C11orf91: variants seen among roughly 807,000 people sequenced by gnomAD.
C11orf91 encodes the protein uncharacterized protein C11orf91.
In C11orf91, 10 loss-of-function variants were observed where a neutral mutation model predicts 14.3. The ratio of observed to expected loss-of-function variants is 0.70; its 90% confidence interval spans 0.43 to 1.18. C11orf91 has a LOEUF of 1.18. Ranked by LOEUF, C11orf91 falls within the 50% of genes most tolerant of loss-of-function variation. The pLI, the probability that C11orf91 is intolerant of heterozygous loss-of-function variation, is 0.00. For missense variants in C11orf91, 236 were observed against 269.0 expected, an observed-to-expected ratio of 0.88 and a Z score of 0.86; for synonymous variants, 141 against 130.6, an observed-to-expected ratio of 1.08 and a Z score of -0.54.
At chr11:33,704,377 TAC>T (rs1422190675), upstream of C11orf91, 2 of 152,164 alleles carry the variant, frequency 1.3e-5, no homozygotes, top group East Asian at 1.9e-4. Flanking sequence ...ACAGTTATTA[TAC>T]AGTTACACAT....
At chr11:33,704,201 G>C (rs537424942), upstream of C11orf91, 8 of 151,430 alleles carry the variant, frequency 5.3e-5, no homozygotes, top group East Asian at 1.5e-3. Context: ...AGTTGTGCCT[G>C]AATCTGGGAC....
Position 33,700,405 on chromosome 11 carries a change from C to T in C11orf91, c.336G>A (p.Pro112=), listed in dbSNP as rs1023892508. Residue 112 remains proline (P), a synonymous_variant, in exon 1 of 2, where the codon CCG becomes CCA. Transcript: ENST00000379011. ...PYEPLRFFYS[P]PPGPEVVASP... is the part of the protein sequence containing the mutation. ...AGGCAACCACCTCAGGCCCCGGCGG[C>T]GGTGAGTAGAAGAAGCGCAGAGGCT... 5 of 1,487,710 alleles carry T rather than the reference C, an allele frequency of 3.4e-6. No individual in the cohort carries two copies. Among genetic ancestry groups the T allele is most frequent in the African/African-American group, 2.8e-5 (2 of 70,906 alleles). 92.2% of individuals were successfully genotyped at this position (1,487,710 alleles called of 1,614,324 possible).
the C11orf91 span, chr11:33,706,023 G>A: frequency 1.3e-5 from 2 of 152,042 alleles, no homozygotes; most frequent in Non-Finnish European, 2.9e-5. Flanking sequence ...AACATCCCTA[G>A]GGAAACCGAT....
In C11orf91 at chr11:33,700,372, C is replaced by G. The variant is rs758621212; in HGVS notation, c.369G>C (p.Leu123=). 7.2e-6 allele frequency: 11 copies of G among 1,534,610 alleles called. No individual in the cohort carries two copies. The highest frequency in any genetic ancestry group is 2.4e-5 in the South Asian group (2 of 83,974). The stretch of plus-strand genomic sequence containing the variant: ...GCCTGGGGGTCGAGGGGCAGGGGAC[C>G]AGGGGCGAGGCAACCACCTCAGGCC... ...PPGPEVVASP[L]VPCPSTPRLA... The change falls in exon 1 of 2, where the codon CTG becomes CTC. Residue 123 remains leucine (L), a synonymous_variant. Transcript: ENST00000379011.
rs1305765583 is a variant in C11orf91 at position 33,700,653 on chromosome 11, C to G, written c.88G>C (p.Gly30Arg). ...PLYFPSLYDR[G>R]ISSSPLSDFN... ...TCGCTGAGCGGGGACGAGGAGATGCCGCGGTCGTACAGGGACGGGAAATAG... is the reference window on the plus strand; with the variant it reads ...TCGCTGAGCGGGGACGAGGAGATGCGGCGGTCGTACAGGGACGGGAAATAG... The change falls in exon 1 of 2, where the codon GGC (glycine) becomes CGC (arginine). Residue 30 changes from glycine (G) to arginine (R), a missense_variant. Gly to Arg is a moderately radical substitution (Grantham distance 125, BLOSUM62 -2). Transcript: ENST00000379011. The G allele has an allele frequency of 6.8e-7, 1 of 1,472,314 alleles. No homozygotes were observed. Among genetic ancestry groups the G allele is most frequent in the Non-Finnish European group, 9.0e-7 (1 of 1,115,818 alleles). 91.2% of individuals were successfully genotyped at this position (1,472,314 alleles called of 1,614,324 possible). A position where few individuals can be genotyped will look rare whatever the true frequency, so the allele number is the denominator to read the frequency against.
At chr11:33,703,204 G>T (rs1456137783), upstream of C11orf91, 2 of 152,132 alleles carry the variant, frequency 1.3e-5, no homozygotes, top group East Asian at 3.9e-4. Context: ...TAAATAAGAA[G>T]TTGATGACAA....
chr11:33,702,890 T>C (rs1347283354), upstream of C11orf91: 1 of 163,484 alleles, frequency 6.1e-6, no homozygotes, highest in African/African-American at 2.4e-5. Flanking sequence ...TTTTCATCAA[T>C]ATAATGGGAA....
In C11orf91 at chr11:33,700,294, C is replaced by T; in HGVS notation, c.447G>A (p.Lys149=). 6.5e-6 allele frequency: 10 copies of T among 1,535,186 alleles called. No homozygotes were observed. The highest frequency in any genetic ancestry group is 7.8e-6 in the Non-Finnish European group (9 of 1,146,552). Residue 149 remains lysine (K), a synonymous_variant, in exon 1 of 2, where the codon AAG becomes AAA. Transcript: ENST00000379011. ...CAGTGATGGTGAGCAACTCCAGCTC[C>T]TTAATCCGGATCTCCAGCTCGCAGA... ...EELCELEIRI[K]ELELLTITGD...
In C11orf91 at chr11:33,700,584, CGCCCGCCTTCAGCG is replaced by C; in HGVS notation, c.143_156del (p.Pro48ArgfsTer65). On this transcript the variant is annotated frameshift_variant, in exon 1 of 2. Coordinates refer to ENST00000379011, the MANE Select transcript of C11orf91 (RefSeq NM_001166692.2). LOFTEE classifies it high-confidence loss of function. ...CCCGCCGCCCCGCCCACTGGCGCCC[CGCCCGCCTTCAGCG>C]GCACGAAGAGCTTCTTCCAGATGTT... 2 of 1,458,896 alleles carry C rather than the reference CGCCCGCCTTCAGCG, an allele frequency of 1.4e-6. No individual in the cohort carries two copies. The highest frequency in any genetic ancestry group is 1.8e-6 in the Non-Finnish European group (2 of 1,109,772). 90.4% of individuals were successfully genotyped at this position (1,458,896 alleles called of 1,614,324 possible). A position where few individuals can be genotyped will look rare whatever the true frequency, so the allele number is the denominator to read the frequency against.
chr11:33,700,799 C>G lies in C11orf91; in HGVS notation c.-59G>C. ...GCGCCGGGAGACGCGCGCTCAGGCCCCGAGTCGCCGGGGTTTCGAGGTTCC... is the reference window on the plus strand; with the variant it reads ...GCGCCGGGAGACGCGCGCTCAGGCCGCGAGTCGCCGGGGTTTCGAGGTTCC... On this transcript the variant is annotated 5_prime_UTR_variant, in exon 1 of 2. Transcript: ENST00000379011. 8.0e-7 allele frequency: 1 copy of G among 1,254,978 alleles called. No individual in the cohort carries two copies. The highest frequency in any genetic ancestry group is 1.0e-6 in the Non-Finnish European group (1 of 1,001,336). The allele number at this position is 1,254,978 out of a possible 1,614,324, so 77.7% of individuals were successfully genotyped here.
chr11:33,700,529 G>A lies in C11orf91; in HGVS notation c.212C>T (p.Ala71Val), dbSNP rs1285339339. 1 of 1,351,672 alleles carries A rather than the reference G, an allele frequency of 7.4e-7. No homozygotes were observed. Among genetic ancestry groups the A allele is most frequent in the Non-Finnish European group, 9.4e-7 (1 of 1,062,664 alleles). 83.7% of individuals were successfully genotyped at this position (1,351,672 alleles called of 1,614,324 possible). A position where few individuals can be genotyped will look rare whatever the true frequency, so the allele number is the denominator to read the frequency against. ...TGGTGGCGGGGGCGGGGGCGCCGGG[G>A]CGGGGAGCGCCTGGGACAGGGACCG... ...GARSLSQALP[A>V]PAPPPPPPPG... The change falls in exon 1 of 2, where the codon GCC becomes GTC. Residue 71 changes from alanine (A) to valine (V), a missense_variant. Physicochemically the swap from Ala to Val is moderately conservative, Grantham distance 64. Transcript: ENST00000379011.
At chr11:33,703,535 A>G (rs1172314378), upstream of C11orf91, 1 of 152,252 alleles carries the variant, frequency 6.6e-6, no homozygotes, top group Non-Finnish European at 1.5e-5. Flanking sequence ...ATTTGGAACC[A>G]ACTGAGAGAC....
At chr11:33,700,127 T>A (rs1268722127) in intron 1 of C11orf91, 118 bp downstream of exon 1, 7 of 1,120,112 alleles carry the variant, frequency 6.2e-6, no homozygotes, top group Non-Finnish European at 7.4e-6. Flanking sequence ...AGATTTTGGA[T>A]CTGGGACTAC....
At chr11:33,702,697 CTG>C (rs1173333132), upstream of C11orf91, 1 of 354,030 alleles carries the variant, frequency 2.8e-6, no homozygotes, top group Non-Finnish European at 5.6e-6. Context: ...TTCTGTTAAT[CTG>C]TCTTTGTCAG....
chr11:33,700,913 T>TCCCGGAACGCGGCCCCGC (rs1345442747), upstream of C11orf91: 5 of 499,124 alleles, frequency 1.0e-5, no homozygotes, highest in Admixed American at 5.7e-5. Flanking sequence ...GACGACCACG[T>TCCCGGAACGCGGCCCCGC]CCCGGAACGC....
intron 1 of C11orf91, among the ~76,000 whole-genome samples, chr11:33,699,175 T>C (rs1235367067): frequency 6.6e-6 from 1 of 152,170 alleles, no homozygotes; most frequent in Non-Finnish European, 1.5e-5. Flanking sequence ...GTATTCATAG[T>C]TAAGAAATCC....
rs1429320652 is a variant in C11orf91 at position 33,700,411 on chromosome 11, G to A, written c.330C>T (p.Tyr110=). 6.6e-7 allele frequency: 1 copy of A among 1,510,912 alleles called. No homozygotes were observed. The highest frequency in any genetic ancestry group is 1.2e-5 in the South Asian group (1 of 83,208). The allele number at this position is 1,510,912 out of a possible 1,614,324, so 93.6% of individuals were successfully genotyped here. A position where few individuals can be genotyped will look rare whatever the true frequency, so the allele number is the denominator to read the frequency against. ...SIPYEPLRFF[Y]SPPPGPEVVA... is the part of the protein sequence containing the mutation. ...CCACCTCAGGCCCCGGCGGCGGTGA[G>A]TAGAAGAAGCGCAGAGGCTCGTAGG... Residue 110 remains tyrosine, a synonymous_variant, in exon 1 of 2, where the codon TAC becomes TAT. Coordinates refer to ENST00000379011, the MANE Select transcript of C11orf91 (RefSeq NM_001166692.2).
intron 1 of C11orf91, chr11:33,699,476 C>T (rs1355016047): frequency 4.5e-6 from 2 of 446,298 alleles, no homozygotes; most frequent in Non-Finnish European, 4.5e-6. Context: ...GGACAACCTA[C>T]CGCTACTGAA....
chr11:33,699,982 A>T (rs1853093160), intron 1 of C11orf91, among the ~76,000 whole-genome samples: 1 of 151,140 alleles, frequency 6.6e-6, no homozygotes, highest in African/African-American at 2.5e-5. Flanking sequence ...GTGGAGGCTC[A>T]GAGTCCAGAT....
Sources: gnomAD v4.1 joint callset for allele counts (sites outside exome capture counted in the v4.1 genomes callset) on GRCh38, gnomAD v4.1.1 for gene constraint, MANE v1.5 for transcripts, NCBI Gene and HGNC (gene_info 2026-07-23, HGNC 2026-07-21) for gene names.